Variants in NFAM1 observed in about 807,000 individuals in gnomAD.
The protein encoded by NFAM1 is NFAT activating protein with ITAM motif 1, also known as NFAT activation molecule 1.
In NFAM1, 17 loss-of-function variants were observed where a neutral mutation model predicts 29.0. The ratio of observed to expected loss-of-function variants is 0.59; its 90% CI spans 0.40 to 0.88. NFAM1 has a LOEUF of 0.88. Ranked by LOEUF, NFAM1 falls within the 40% of genes least tolerant of loss-of-function variation. The probability of loss-of-function intolerance (pLI) is 0.00; values close to 1 mark genes in which losing one functional copy is unlikely to be tolerated. For missense variants in NFAM1, 324 were observed against 344.6 expected (o/e 0.94, Z 0.47); for synonymous variants, 175 against 147.2 (o/e 1.19, Z -1.36).
At chr22:42,406,920 G>A (rs112529539) in intron 3 of NFAM1, among the ~76,000 whole-genome samples, 4,515 of 151,760 alleles carry the variant, frequency 0.03, 99 homozygotes, top group South Asian at 0.089. Context: ...GACTACAGGC[G>A]TGTGACCACC....
chr22:42,418,951 C>T (rs562074547), intron 1 of NFAM1, among the ~76,000 whole-genome samples: 33 of 152,190 alleles, frequency 2.2e-4, no homozygotes, highest in Non-Finnish European at 3.4e-4. Context: ...CTTCTCCCAC[C>T]CTTGTTGGGA....
chr22:42,387,646 G>C (rs1056138189), intron 4 of NFAM1, among the ~76,000 whole-genome samples: 1 of 151,080 alleles, frequency 6.6e-6, no homozygotes, highest in African/African-American at 2.4e-5. Context: ...CATCGAGCCT[G>C]TGCCCTGCTG....
intron 4 of NFAM1, among the ~76,000 whole-genome samples, chr22:42,395,951 T>TA (rs34235808): frequency 0.17 from 25,084 of 150,918 alleles, 2,227 homozygotes; most frequent in African/African-American, 0.21. Flanking sequence ...ACCTTTACCC[T>TA]AAAACCTTAT....
chr22:42,413,194 G>A (rs142351534), intron 1 of NFAM1, among the ~76,000 whole-genome samples: 1 of 152,288 alleles, frequency 6.6e-6, no homozygotes, highest in Non-Finnish European at 1.5e-5. Flanking sequence ...ATTGTTAATC[G>A]GGAGAAGATC....
At position 42,399,357 on chromosome 22, in the gene NFAM1, G is replaced by T. The variant is rs372544264; in HGVS notation, c.565-1401C>A. On this transcript the variant is annotated intron_variant, in intron 3 of 5. Coordinates refer to ENST00000329021, the MANE Select transcript of NFAM1 (RefSeq NM_145912.8). ...AGCTACTCGGGAGGGTGAGGCAGGAGAATCGCTTGAACCCAGGGGGCGGAG... is the reference window on the plus strand; with the variant it reads ...AGCTACTCGGGAGGGTGAGGCAGGATAATCGCTTGAACCCAGGGGGCGGAG... Among the ~76,000 whole-genome samples, 119 of 150,006 alleles carry T rather than the reference G, an allele frequency of 7.9e-4. 1 individual carries two copies. In the South Asian group the frequency reaches 0.024, roughly 30 times the overall value.
chr22:42,410,062 A>T (rs1930030830), intron 2 of NFAM1, among the ~76,000 whole-genome samples: 2 of 152,074 alleles, frequency 1.3e-5, no homozygotes, highest in Admixed American at 6.6e-5. Context: ...GCAAAAACAC[A>T]CGGAGTGCCA....
Position 42,432,218 on chromosome 22 carries a change from G to A in NFAM1, c.121+19C>T. 1.3e-6 allele frequency: 2 copies of A among 1,563,608 alleles called. No homozygotes were observed. The highest frequency in any genetic ancestry group is 1.7e-6 in the Non-Finnish European group (2 of 1,152,414). On this transcript the variant is annotated intron_variant, in intron 1 of 5. Transcript: ENST00000329021. ...TTCTGGAGCGAGAGAGTAGAGAGAAGGAGGAAGACAGACACTACCTGCCAG... is the reference window on the plus strand; with the variant it reads ...TTCTGGAGCGAGAGAGTAGAGAGAAAGAGGAAGACAGACACTACCTGCCAG...
chr22:42,425,938 AG>A lies in NFAM1; in HGVS notation c.121+6298del, dbSNP rs566350867. Among the ~76,000 whole-genome samples the A allele has an allele frequency of 2.1e-5, 3 of 144,700 alleles. No homozygotes were observed. In the East Asian group the frequency reaches 7.0e-4, roughly 34 times the overall value. 94.9% of individuals were successfully genotyped at this position (144,700 alleles called of 152,430 possible). On this transcript the variant is annotated intron_variant, in intron 1 of 5. Transcript: ENST00000329021. ...AGAGGGAGGGGAACTGGGTTTGTTC[AG>A]GGTGGGGAAGGGGCCAGAGGGGGTA...
At chr22:42,434,423 C>T (rs35107744), upstream of NFAM1, among the ~76,000 whole-genome samples, 3 of 152,008 alleles carry the variant, frequency 2.0e-5, no homozygotes, top group Non-Finnish European at 4.4e-5. Context: ...GGCTGTGGAG[C>T]GCAGACATGA....
intron 3 of NFAM1, among the ~76,000 whole-genome samples, chr22:42,406,584 C>T (rs1365891461): frequency 6.6e-6 from 1 of 152,148 alleles, no homozygotes; most frequent in Non-Finnish European, 1.5e-5. Flanking sequence ...CACTGGCACG[C>T]CCAGCCCTGA....
At chr22:42,432,215 G>A in intron 1 of NFAM1, 22 bp downstream of exon 1, 10 of 1,561,200 alleles carry the variant, frequency 6.4e-6, no homozygotes, top group East Asian at 2.4e-5. Flanking sequence ...AGAGTAGAGA[G>A]AAGGAGGAAG....
In NFAM1 at chr22:42,385,213, G is replaced by A. The variant is rs187451861; in HGVS notation, c.761C>T (p.Pro254Leu). 50 of 1,605,694 alleles carry A rather than the reference G, an allele frequency of 3.1e-5. 2 individuals carry two copies. In the African/African-American group the frequency reaches 3.3e-4, roughly 11 times the overall value. Reference sequence around the variant, plus strand: ...TTCGCCATCATCTTCGAATCTATGCGGTCTCTCCTGGATAGAAAAGAAGAA... The same window carrying A: ...TTCGCCATCATCTTCGAATCTATGCAGTCTCTCCTGGATAGAAAAGAAGAA... ...AKQSPLSQER[P>L]HRFEDDGELN... Residue 254 changes from proline (P) to leucine (L), a missense_variant, in exon 6 of 6, where the codon CCG becomes CTG. Transcript: ENST00000329021.
At position 42,419,818 on chromosome 22, in the gene NFAM1, C is replaced by T. The variant is rs148516965; in HGVS notation, c.122-8082G>A. Among the ~76,000 whole-genome samples the T allele has an allele frequency of 9.9e-3, 1,513 of 152,254 alleles. 19 individuals carry two copies. The highest frequency in any genetic ancestry group is 0.051 in the Middle Eastern group (15 of 294). ...GGCTGCCCCGCACAGCACAGACTCT[C>T]AGGCGTCACTGTTAAGCCATGTGAT... is the stretch of plus-strand genomic sequence containing the variant. On this transcript the variant is annotated intron_variant, in intron 1 of 5. Coordinates refer to ENST00000329021, the MANE Select transcript of NFAM1 (RefSeq NM_145912.8). The surrounding 1 kb of genome is among the most constrained non-coding windows in gnomAD (Gnocchi z 4.5).
rs189837377 is a variant in NFAM1, at chr22:42,424,247, T to C, written c.121+7990A>G. 2.6e-3 allele frequency among the ~76,000 whole-genome samples: 388 copies of C among 151,918 alleles called. 2 individuals are homozygous for C. Among genetic ancestry groups the C allele is most frequent in the African/African-American group, 3.9e-3 (162 of 41,458 alleles). ...TGGCTAACACGGTGAAACCCCACCT[T>C]TACTAAAAATACAAAAAATTAGACG... On this transcript the variant is annotated intron_variant, in intron 1 of 5. Transcript: ENST00000329021.
upstream of NFAM1, among the ~76,000 whole-genome samples, chr22:42,434,053 CT>C (rs1026904240): frequency 6.6e-6 from 1 of 152,168 alleles, no homozygotes; most frequent in Admixed American, 6.5e-5. Context: ...GCTCCTGCCC[CT>C]GTGCCAGCTC....
intron 1 of NFAM1, among the ~76,000 whole-genome samples, chr22:42,418,453 A>G (rs917857896): frequency 1.3e-5 from 2 of 152,134 alleles, no homozygotes; most frequent in Non-Finnish European, 2.9e-5. Context: ...GCACTTTGGG[A>G]GGCCGAGGCA....
intron 1 of NFAM1, among the ~76,000 whole-genome samples, chr22:42,430,556 CAAAAAA>C (rs10684230): frequency 2.7e-5 from 2 of 73,002 alleles, no homozygotes; most frequent in African/African-American, 5.5e-5. Context: ...GTGAAACTCT[CAAAAAA>C]AAAAAAAAAA....
At position 42,384,949 on chromosome 22, in the gene NFAM1, G is replaced by C. The variant is rs1215769006; in HGVS notation, c.*212C>G. On this transcript the variant is annotated 3_prime_UTR_variant, in exon 6 of 6. Coordinates refer to ENST00000329021, the MANE Select transcript of NFAM1 (RefSeq NM_145912.8). ...CCTGCCTGGCAGAAGGAACAGCCTG[G>C]GCAAAGGCCCCAAGATGGGAAAGCC... 3 of 652,004 alleles carry C rather than the reference G, an allele frequency of 4.6e-6. No homozygotes were observed. The highest frequency in any genetic ancestry group is 8.2e-6 in the Non-Finnish European group (3 of 364,176). The allele number at this position is 652,004 out of a possible 1,614,324, so 40.4% of individuals were successfully genotyped here.
intron 1 of NFAM1, among the ~76,000 whole-genome samples, chr22:42,415,240 C>T (rs571780446): frequency 2.0e-5 from 3 of 151,222 alleles, no homozygotes; most frequent in African/African-American, 7.3e-5. Flanking sequence ...TTCTGGCCTG[C>T]GAATGTAGCT....
Sources: allele counts gnomAD v4.1 joint callset (sites outside exome capture counted in the v4.1 genomes callset), GRCh38; gene constraint gnomAD v4.1.1; non-coding constraint Gnocchi (gnomAD v3.1); transcripts MANE v1.5; gene names NCBI Gene and HGNC (gene_info 2026-07-23, HGNC 2026-07-21).